Variants in MEIKIN observed in about 807,000 individuals in gnomAD.
MEIKIN encodes the protein meiotic kinetochore factor, also known as meiosis-specific kinetochore protein.
intron 1 of MEIKIN, 72 bp downstream of exon 1, chr5:131,945,328 C>A (rs1751944233): frequency 2.5e-6 from 1 of 399,006 alleles, no homozygotes; most frequent in East Asian, 3.6e-5. Flanking sequence ...GGCCTAGCAC[C>A]CCCGCCCGCC....
intron 8 of MEIKIN, among the ~76,000 whole-genome samples, chr5:131,883,275 T>G (rs1413351692): frequency 1.3e-5 from 2 of 152,094 alleles, no homozygotes; most frequent in Non-Finnish European, 2.9e-5. Flanking sequence ...AGAGTCTAGG[T>G]TAAGAGAAAA....
At chr5:131,881,262 AT>A (rs1304526105) in intron 8 of MEIKIN, among the ~76,000 whole-genome samples, 2 of 152,168 alleles carry the variant, frequency 1.3e-5, no homozygotes, top group African/African-American at 4.8e-5. Flanking sequence ...TTAGTCCTCA[AT>A]CCTCATTTGA....
At position 131,919,254 on chromosome 5, in the gene MEIKIN, C is replaced by G. The variant is rs144616376; in HGVS notation, c.599-2329G>C. Among the ~76,000 whole-genome samples the G allele has an allele frequency of 7.2e-5, 11 of 151,888 alleles. No individual in the cohort carries two copies. In the East Asian group the frequency reaches 2.1e-3, roughly 29 times the overall value. Reference sequence around the variant, plus strand: ...TCTGTTGGTAAGGATATAGTGAGACCAGCACTTTAACACACTGCTGTTGGG... The same window carrying G: ...TCTGTTGGTAAGGATATAGTGAGACGAGCACTTTAACACACTGCTGTTGGG... On this transcript the variant is annotated intron_variant, in intron 6 of 12. Transcript: ENST00000442687.
At chr5:131,810,732 G>A (rs2149599942) in intron 12 of MEIKIN, among the ~76,000 whole-genome samples, 1 of 152,284 alleles carries the variant, frequency 6.6e-6, no homozygotes, top group Middle Eastern at 3.4e-3. Flanking sequence ...TCCTTTATCT[G>A]GCTGTCACTA....
At chr5:131,866,376 G>A (rs1240944730) in intron 9 of MEIKIN, among the ~76,000 whole-genome samples, 1 of 152,222 alleles carries the variant, frequency 6.6e-6, no homozygotes, top group African/African-American at 2.4e-5. Flanking sequence ...GCCAAGCTAG[G>A]TTGTGCCTTT....
At chr5:131,822,232 T>A (rs1320815176) in intron 11 of MEIKIN, among the ~76,000 whole-genome samples, 1 of 152,190 alleles carries the variant, frequency 6.6e-6, no homozygotes, top group East Asian at 1.9e-4. Flanking sequence ...TTCTTTTTTT[T>A]AATCCATTCA....
chr5:131,876,111 G>A (rs1165576957), intron 9 of MEIKIN, among the ~76,000 whole-genome samples: 5 of 152,112 alleles, frequency 3.3e-5, no homozygotes, highest in Non-Finnish European at 2.9e-5. Flanking sequence ...TAAAACACCA[G>A]AAGCAATGGC....
intron 11 of MEIKIN, among the ~76,000 whole-genome samples, chr5:131,828,311 C>T (rs1321226336): frequency 6.6e-6 from 1 of 152,074 alleles, no homozygotes; most frequent in Non-Finnish European, 1.5e-5. Flanking sequence ...TATAGGCACA[C>T]ACCATCATGC....
intron 8 of MEIKIN, among the ~76,000 whole-genome samples, chr5:131,894,103 A>C (rs1032015943): frequency 1.3e-5 from 2 of 152,186 alleles, no homozygotes; most frequent in Non-Finnish European, 2.9e-5. Context: ...ATCCAGTTTC[A>C]GCTTTCTACA....
intron 9 of MEIKIN, among the ~76,000 whole-genome samples, chr5:131,868,553 T>C (rs1266779108): frequency 2.6e-5 from 4 of 152,106 alleles, no homozygotes; most frequent in Non-Finnish European, 5.9e-5. Flanking sequence ...GGTTTTTGTT[T>C]GGTTGGTTTT....
chr5:131,846,314 C>A (rs1750022408), intron 11 of MEIKIN, among the ~76,000 whole-genome samples: 1 of 151,954 alleles, frequency 6.6e-6, no homozygotes, highest in Non-Finnish European at 1.5e-5. Flanking sequence ...CTAGACAGTA[C>A]CTTGAAGTTG....
intron 9 of MEIKIN, among the ~76,000 whole-genome samples, chr5:131,870,008 C>T (rs1285731619): frequency 1.3e-5 from 2 of 152,194 alleles, no homozygotes; most frequent in African/African-American, 2.4e-5. Context: ...AAAGTGATGA[C>T]TTCTAAGATT....
At chr5:131,865,451 C>T (rs1398354230) in intron 9 of MEIKIN, among the ~76,000 whole-genome samples, 1 of 152,228 alleles carries the variant, frequency 6.6e-6, no homozygotes, top group Non-Finnish European at 1.5e-5. Context: ...GATCTCCTGA[C>T]CTTGTGTTCC....
intron 8 of MEIKIN, among the ~76,000 whole-genome samples, chr5:131,901,626 G>A (rs1189030484): frequency 1.3e-5 from 2 of 152,306 alleles, no homozygotes; most frequent in Admixed American, 6.5e-5. Flanking sequence ...GAACACCTTG[G>A]CCCTTGGTGA....
intron 9 of MEIKIN, among the ~76,000 whole-genome samples, chr5:131,858,046 T>C (rs1194184598): frequency 1.3e-5 from 2 of 152,130 alleles, no homozygotes; most frequent in African/African-American, 2.4e-5. Flanking sequence ...TGGCCAGCAC[T>C]CCCCATCACA....
At chr5:131,894,771 G>A (rs1447835392) in intron 8 of MEIKIN, among the ~76,000 whole-genome samples, 1 of 152,208 alleles carries the variant, frequency 6.6e-6, no homozygotes, top group Non-Finnish European at 1.5e-5. Context: ...TTTTGCTGAA[G>A]TTGCCTATCA....
At chr5:131,829,248 A>T (rs1420843386) in intron 11 of MEIKIN, among the ~76,000 whole-genome samples, 1 of 152,238 alleles carries the variant, frequency 6.6e-6, no homozygotes, top group Non-Finnish European at 1.5e-5. Context: ...TAAATAATCA[A>T]TCAAATATGA....
intron 5 of MEIKIN, among the ~76,000 whole-genome samples, chr5:131,929,456 A>G (rs921916391): frequency 6.6e-6 from 1 of 152,130 alleles, no homozygotes; most frequent in Non-Finnish European, 1.5e-5. Flanking sequence ...GTGGCTCACA[A>G]GTCTCTTAGG....
chr5:131,847,516 A>C (rs1288077007), intron 11 of MEIKIN, among the ~76,000 whole-genome samples: 2 of 152,124 alleles, frequency 1.3e-5, no homozygotes, highest in East Asian at 3.8e-4. Flanking sequence ...TTACACAGTG[A>C]ATGACAGACC....
Sources: allele counts gnomAD v4.1 joint callset (sites outside exome capture counted in the v4.1 genomes callset), GRCh38; gene constraint gnomAD v4.1.1; transcripts MANE v1.5; gene names NCBI Gene and HGNC (gene_info 2026-07-23, HGNC 2026-07-21).